ADGRV1: variants seen among roughly 807,000 people sequenced by gnomAD.
ADGRV1 encodes adhesion G protein-coupled receptor V1, also known as G-protein coupled receptor 98.
Under a neutral mutation model 596.2 loss-of-function variants are expected in ADGRV1, and 359 were observed. The ratio of observed to expected loss-of-function variants is 0.60; its 90% CI spans 0.55 to 0.66. ADGRV1 has a LOEUF of 0.66. Ranked by LOEUF, ADGRV1 falls within the 30% of genes least tolerant of loss-of-function variation. ADGRV1 has a pLI of 0.00. For missense variants in ADGRV1, 7,274 were observed against 7,575.6 expected, an observed-to-expected ratio of 0.96 and a Z score of 1.48; for synonymous variants, 2,681 against 2,679.2, an observed-to-expected ratio of 1.00 and a Z score of -0.02.
chr5:90,572,823 T>C (rs549968426), intron 1 of ADGRV1, among the ~76,000 whole-genome samples: 4 of 152,132 alleles, frequency 2.6e-5, no homozygotes, highest in Non-Finnish European at 5.9e-5. Flanking sequence ...AATAAAGTAA[T>C]TGGGGGAAAT....
At chr5:90,586,231 A>G (rs1159679062) in intron 1 of ADGRV1, among the ~76,000 whole-genome samples, 1 of 152,234 alleles carries the variant, frequency 6.6e-6, no homozygotes, top group African/African-American at 2.4e-5. Flanking sequence ...ATGTATGTCT[A>G]CATAATATAG....
At chr5:90,919,994 C>CAAAA (rs59122926) in intron 83 of ADGRV1, among the ~76,000 whole-genome samples, 14 of 80,058 alleles carry the variant, frequency 1.7e-4, no homozygotes, top group East Asian at 3.2e-4. Context: ...AACTCCATCT[C>CAAAA]AAAAAAAAAA....
chr5:91,008,868 G>C (rs897739212), intron 85 of ADGRV1, among the ~76,000 whole-genome samples: 1 of 152,108 alleles, frequency 6.6e-6, no homozygotes, highest in Non-Finnish European at 1.5e-5. Context: ...TTAACCATCA[G>C]TTCTCATAGA....
intron 61 of ADGRV1, 109 bp from the exon 62 acceptor site, chr5:90,777,796 C>T (rs1378194808): frequency 2.0e-6 from 2 of 1,022,228 alleles, no homozygotes; most frequent in African/African-American, 1.6e-5. Context: ...TAAAAGAAAA[C>T]TGTTATTGAA....
intron 70 of ADGRV1, among the ~76,000 whole-genome samples, chr5:90,799,117 G>A (rs902075833): frequency 1.3e-5 from 2 of 152,164 alleles, no homozygotes; most frequent in Non-Finnish European, 2.9e-5. Context: ...TATTCAAATA[G>A]AAAAGGAGGA....
intron 1 of ADGRV1, among the ~76,000 whole-genome samples, chr5:90,595,918 T>C (rs1330722607): frequency 8.1e-6 from 1 of 123,496 alleles, no homozygotes; most frequent in East Asian, 2.2e-4. Context: ...CCGGATGGGG[T>C]GGCTGCCGGG....
intron 85 of ADGRV1, among the ~76,000 whole-genome samples, chr5:91,071,024 C>T (rs974137911): frequency 6.6e-6 from 1 of 152,132 alleles, no homozygotes; most frequent in Non-Finnish European, 1.5e-5. Context: ...CTCACGCTTT[C>T]TTATTAGCTC....
rs986067121 is a variant in ADGRV1 at position 91,118,933 on chromosome 5, T to C, written c.18432+16593T>C. Among the ~76,000 whole-genome samples, 3 of 152,158 alleles carry C rather than the reference T, an allele frequency of 2.0e-5. No individual in the cohort carries two copies. The East Asian group carries it at 5.8e-4, about 29-fold the overall frequency. On this transcript the variant is annotated intron_variant, in intron 87 of 89. Transcript: ENST00000405460. ...TCTCTGTTTCATCAACTAGAACTTA[T>C]CATTTTCTTCTCCTTTCAACATCTG...
intron 86 of ADGRV1, among the ~76,000 whole-genome samples, chr5:91,092,179 C>T (rs769300406): frequency 1.3e-5 from 2 of 152,168 alleles, no homozygotes; most frequent in Non-Finnish European, 2.9e-5. Context: ...TGGCTCACTG[C>T]AACCTCTGCC....
intron 83 of ADGRV1, among the ~76,000 whole-genome samples, chr5:90,874,789 C>T (rs1191288300): frequency 6.6e-6 from 1 of 151,502 alleles, no homozygotes; most frequent in Non-Finnish European, 1.5e-5. Context: ...ACCCAGGAGG[C>T]GGAGCTTGCA....
intron 74 of ADGRV1, among the ~76,000 whole-genome samples, chr5:90,813,517 A>C (rs1006556765): frequency 5.9e-5 from 9 of 152,196 alleles, no homozygotes; most frequent in Admixed American, 5.9e-4. Flanking sequence ...GTTTTAACTC[A>C]ACAGGCAAAT....
chr5:90,912,864 G>C (rs1054301122), intron 83 of ADGRV1, among the ~76,000 whole-genome samples: 1 of 152,070 alleles, frequency 6.6e-6, no homozygotes, highest in Non-Finnish European at 1.5e-5. Flanking sequence ...ATTGTAAATA[G>C]TCCAGCATCA....
intron 83 of ADGRV1, among the ~76,000 whole-genome samples, chr5:90,869,679 G>C (rs76525141): frequency 6.6e-6 from 1 of 151,920 alleles, no homozygotes; most frequent in African/African-American, 2.4e-5. Context: ...TTTCTTGTCT[G>C]TCTTTAAATC....
chr5:90,745,783 T>G lies in ADGRV1; in HGVS notation c.10962T>G (p.Val3654=). The G allele has an allele frequency of 6.3e-7, 1 of 1,599,006 alleles. No individual in the cohort carries two copies. Among genetic ancestry groups the G allele is most frequent in the Non-Finnish European group, 8.6e-7 (1 of 1,167,684 alleles). ...ILSNDDAYGI[V]AFAQNSLYKQ... The stretch of plus-strand genomic sequence containing the variant: ...CTAATGATGATGCCTATGGAATTGT[T>G]GCATTTGCTCAGGTAATGATACTGA... Residue 3654 remains valine, a synonymous_variant, in exon 52 of 90, where the codon GTT becomes GTG. Transcript: ENST00000405460.
chr5:90,753,820 G>A lies in ADGRV1; in HGVS notation c.11368G>A (p.Glu3790Lys). The change falls in exon 54 of 90, where the codon GAG becomes AAG. Residue 3790 changes from glutamate to lysine, a missense_variant. Coordinates refer to ENST00000405460, the MANE Select transcript of ADGRV1 (RefSeq NM_032119.4). ...TGCGTCTGTCTTCATTAGAGTAGCA[G>A]AGCCTAAAGGTAAATATTGTTAAAT... ...RAASVFIRVA[E>K]PKENTTTLQL... The A allele has an allele frequency of 6.2e-7, 1 of 1,602,350 alleles. No homozygotes were observed. Among genetic ancestry groups the A allele is most frequent in the East Asian group, 2.2e-5 (1 of 44,496 alleles).
chr5:90,803,004 CTG>C (rs1761538871), intron 71 of ADGRV1, 122 bp downstream of exon 71: 2 of 665,798 alleles, frequency 3.0e-6, no homozygotes, highest in Non-Finnish European at 2.3e-6. Flanking sequence ...ATAAATAACT[CTG>C]TGAATATCAA....
chr5:90,702,826 C>CATTT (rs1483984959), intron 34 of ADGRV1, among the ~76,000 whole-genome samples: 2 of 151,882 alleles, frequency 1.3e-5, no homozygotes, highest in Non-Finnish European at 2.9e-5. Context: ...TCTTTTTAAA[C>CATTT]ATCATTCTAT....
At chr5:90,958,245 C>G (rs571015562) in intron 83 of ADGRV1, among the ~76,000 whole-genome samples, 2 of 132,606 alleles carry the variant, frequency 1.5e-5, no homozygotes, top group Non-Finnish European at 3.1e-5. Flanking sequence ...AATTGTGCCA[C>G]TGTACTCTGT....
intron 1 of ADGRV1, among the ~76,000 whole-genome samples, chr5:90,567,536 G>C (rs976917584): frequency 2.6e-5 from 4 of 151,698 alleles, no homozygotes; most frequent in Admixed American, 2.6e-4. Flanking sequence ...AGTCAATTTT[G>C]GATGTTCGTA....
Sources: gnomAD v4.1 joint callset for allele counts (sites outside exome capture counted in the v4.1 genomes callset) on GRCh38, gnomAD v4.1.1 for gene constraint, MANE v1.5 for transcripts, NCBI Gene and HGNC (gene_info 2026-07-23, HGNC 2026-07-21) for gene names.